CDHR2: variants seen among roughly 807,000 people sequenced by gnomAD.
CDHR2 encodes the protein cadherin related family member 2.
Under a neutral mutation model 138.6 loss-of-function variants are expected in CDHR2, and 104 were observed. The ratio of observed to expected loss-of-function variants is 0.75; its 90% CI spans 0.64 to 0.88. The LOEUF is 0.88. Among genes scored for constraint, CDHR2 ranks in the 40% least tolerant of loss-of-function variants. The probability of loss-of-function intolerance (pLI) is 0.00; values close to 1 mark genes in which losing one functional copy is unlikely to be tolerated. For synonymous variants in CDHR2, 755 were observed against 742.8 expected, an observed-to-expected ratio of 1.02 and a Z score of -0.27; for missense variants, 1,624 against 1,727.6, an observed-to-expected ratio of 0.94 and a Z score of 1.06.
In CDHR2 at chr5:176,543,919, G is replaced by T. The variant is rs1409515199; in HGVS notation, c.-16+1150G>T. On this transcript the variant is annotated intron_variant, in intron 1 of 31. Coordinates refer to the CDHR2 transcript ENST00000510636. This position sits in a 1 kb window ranked among gnomAD's most constrained non-coding sequence, Gnocchi z 4.0. ...TCCCCGCAACCCCTGTGTCCCCATCGCTAGAGCCAACCTGGACCAGGGCAT... is the reference window on the plus strand; with the variant it reads ...TCCCCGCAACCCCTGTGTCCCCATCTCTAGAGCCAACCTGGACCAGGGCAT... 1.3e-5 allele frequency among the ~76,000 whole-genome samples: 2 copies of T among 152,202 alleles called. No homozygotes were observed. Among genetic ancestry groups the T allele is most frequent in the Admixed American group, 6.5e-5 (1 of 15,288 alleles).
chr5:176,591,757 AT>A (rs1758857218), intron 30 of CDHR2: 6 of 145,996 alleles, frequency 4.1e-5, no homozygotes, highest in Admixed American at 1.0e-4. Context: ...GGTGGTGATG[AT>A]GGTGATGATG....
rs901163790 is a variant in CDHR2 at position 176,577,630 on chromosome 5, C to T, written c.1351-7C>T. The T allele has an allele frequency of 1.9e-6, 3 of 1,614,046 alleles. No individual in the cohort carries two copies. Among genetic ancestry groups the T allele is most frequent in the African/African-American group, 1.3e-5 (1 of 74,944 alleles). ...CCCACAGCTGCTGCCTCCTCCCCTG[C>T]CCCCAGGTTGTGGCCACAGACTCCG... On this transcript the variant is annotated splice_region_variant and splice_polypyrimidine_tract_variant and intron_variant, in intron 13 of 31. Transcript: ENST00000261944.
At position 176,565,338 on chromosome 5, in the gene CDHR2, G is replaced by A. The variant is rs551178657; in HGVS notation, c.-15G>A. On this transcript the variant is annotated splice_region_variant and 5_prime_UTR_variant, in exon 2 of 32. Coordinates refer to ENST00000261944, the MANE Select transcript of CDHR2 (RefSeq NM_017675.6). Reference sequence around the variant, plus strand: ...GCCATTCCCTGACCTCTTCCCTTAGGTCCCTGCGGATGTGATGGCCCAGCT... The same window carrying A: ...GCCATTCCCTGACCTCTTCCCTTAGATCCCTGCGGATGTGATGGCCCAGCT... The A allele has an allele frequency of 1.2e-6, 2 of 1,613,146 alleles. No individual in the cohort carries two copies. The highest frequency in any genetic ancestry group is 1.1e-5 in the South Asian group (1 of 91,064).
chr5:176,577,585 AAGCCGAGGGGCACTTG>A (rs750805431), intron 13 of CDHR2, 31 bp downstream of exon 13: 1 of 1,613,754 alleles, frequency 6.2e-7, no homozygotes, highest in East Asian at 2.2e-5. Flanking sequence ...CCAGGGGCAG[AAGCCGAGGGGCACTTG>A]GGCCCCACAG....
At position 176,594,882 on chromosome 5, in the gene CDHR2, G is replaced by C. The variant is rs117344762; in HGVS notation, c.3793-650G>C. ...ACGCACACAGCATGTCGCATGGCGA[G>C]GTGGAAGAGGAAGGGCGGGAGAGAT... On this transcript the variant is annotated intron_variant, in intron 31 of 31. Coordinates refer to ENST00000261944, the MANE Select transcript of CDHR2 (RefSeq NM_017675.6). Among the ~76,000 whole-genome samples the C allele has an allele frequency of 4.4e-4, 67 of 152,302 alleles. No individual in the cohort carries two copies. In the East Asian group the frequency reaches 0.011, roughly 25 times the overall value.
At position 176,590,263 on chromosome 5, in the gene CDHR2, C is replaced by T; in HGVS notation, c.3286C>T (p.His1096Tyr). The change falls in exon 26 of 32, where the codon CAC (histidine) becomes TAC (tyrosine). Residue 1096 changes from histidine to tyrosine, a missense_variant. Physicochemically the swap from His to Tyr is moderately conservative, Grantham distance 83 (BLOSUM62 2). Around this residue, in one of 3 missense-constraint regions of CDHR2, gnomAD observed 556 missense variants for 565.7 expected, o/e 0.98. Transcript: ENST00000261944. Reference protein sequence around the residue: ...DIDSAARARPHSYLDAYFVFP... With the variant: ...DIDSAARARPYSYLDAYFVFP... Reference sequence around the variant, plus strand: ...TCTGTCCCGCTCCAGGGCCCGACCTCACTCCTACCTCGATGCCTACTTTGT... The same window carrying T: ...TCTGTCCCGCTCCAGGGCCCGACCTTACTCCTACCTCGATGCCTACTTTGT... 6.2e-7 allele frequency: 1 copy of T among 1,614,164 alleles called. No individual in the cohort carries two copies. The highest frequency in any genetic ancestry group is 1.1e-5 in the South Asian group (1 of 91,086).
chr5:176,572,669 C>T (rs1395305652), intron 6 of CDHR2, among the ~76,000 whole-genome samples: 1 of 152,150 alleles, frequency 6.6e-6, no homozygotes, highest in African/African-American at 2.4e-5. Flanking sequence ...CCCTGATGGT[C>T]ACTGGGCAGC....
At chr5:176,566,606 G>A (rs528195982) in intron 3 of CDHR2, among the ~76,000 whole-genome samples, 149 of 148,266 alleles carry the variant, frequency 1.0e-3, no homozygotes, top group African/African-American at 3.4e-3. Flanking sequence ...TTGAGGGGGC[G>A]GGGGTCACGC....
At chr5:176,556,477 T>C (rs1035774929) in intron 1 of CDHR2, among the ~76,000 whole-genome samples, 3 of 152,282 alleles carry the variant, frequency 2.0e-5, no homozygotes, top group Middle Eastern at 3.4e-3. Flanking sequence ...CCATCCCGGC[T>C]AACATGGTGA....
intron 19 of CDHR2, 120 bp from the exon 20 acceptor site, chr5:176,585,834 C>T (rs916468630): frequency 1.9e-5 from 14 of 742,146 alleles, no homozygotes; most frequent in Admixed American, 1.1e-4. Context: ...GTTGAGGCTG[C>T]GGGGCACGGG....
At chr5:176,566,273 A>G (rs1011525279) in intron 3 of CDHR2, among the ~76,000 whole-genome samples, 3 of 152,206 alleles carry the variant, frequency 2.0e-5, no homozygotes, top group Non-Finnish European at 4.4e-5. Flanking sequence ...TGGAAAGTCA[A>G]TTTAAGGAAT....
chr5:176,552,731 C>A (rs1387126073), intron 1 of CDHR2, among the ~76,000 whole-genome samples: 9 of 152,226 alleles, frequency 5.9e-5, no homozygotes, highest in Non-Finnish European at 1.2e-4. Flanking sequence ...AACCCGGGGC[C>A]AACCCCAGCA....
chr5:176,577,919 G>C, intron 14 of CDHR2, 115 bp from the exon 15 acceptor site: 1 of 1,480,236 alleles, frequency 6.8e-7, no homozygotes, highest in Non-Finnish European at 9.2e-7. Context: ...ATCTGAGTGT[G>C]CTGGGGATTC....
At chr5:176,557,000 TTCTC>T (rs376971919) in intron 1 of CDHR2, among the ~76,000 whole-genome samples, 13,052 of 107,688 alleles carry the variant, frequency 0.12, 1,362 homozygotes, top group African/African-American at 0.23. Context: ...CCTTCCTTCT[TTCTC>T]TCTCTCTCTC....
chr5:176,553,802 A>T lies in CDHR2; in HGVS notation c.-16+4388A>T, dbSNP rs1280613297. On this transcript the variant is annotated intron_variant, in intron 1 of 31. Coordinates refer to ENST00000261944, the MANE Select transcript of CDHR2 (RefSeq NM_017675.6). This position sits in a 1 kb window ranked among gnomAD's most constrained non-coding sequence, Gnocchi z 4.3. ...CGTCTCCACCTTCATCAGCACACACATCATCAGCATGTCCGTCCCTACTTA... is the reference window on the plus strand; with the variant it reads ...CGTCTCCACCTTCATCAGCACACACTTCATCAGCATGTCCGTCCCTACTTA... Among the ~76,000 whole-genome samples the T allele has an allele frequency of 6.6e-6, 1 of 151,410 alleles. No individual in the cohort carries two copies. Among genetic ancestry groups the T allele is most frequent in the Non-Finnish European group, 1.5e-5 (1 of 67,860 alleles).
intron 1 of CDHR2, among the ~76,000 whole-genome samples, chr5:176,563,779 G>T (rs374364894): frequency 5.3e-5 from 8 of 152,322 alleles, no homozygotes; most frequent in African/African-American, 1.9e-4. Flanking sequence ...CACAAGTGGG[G>T]CCGTTTAGTC....
intron 1 of CDHR2, among the ~76,000 whole-genome samples, chr5:176,554,662 T>C (rs576159242): frequency 6.6e-6 from 1 of 152,280 alleles, no homozygotes; most frequent in South Asian, 2.1e-4. Context: ...TTTTTGTTTT[T>C]GTTTTGTTTT....
intron 17 of CDHR2, among the ~76,000 whole-genome samples, chr5:176,582,405 C>A (rs935423937): frequency 6.6e-6 from 1 of 152,170 alleles, no homozygotes; most frequent in East Asian, 1.9e-4. Flanking sequence ...TGGCCTCAAG[C>A]GACCCTCTCA....
chr5:176,580,504 G>A (rs1023959346), intron 16 of CDHR2, among the ~76,000 whole-genome samples: 2 of 147,034 alleles, frequency 1.4e-5, no homozygotes, highest in African/African-American at 5.1e-5. Flanking sequence ...ACTCCACTCT[G>A]GGCAACAGAG....
Sources: gnomAD v4.1 joint callset for allele counts (sites outside exome capture counted in the v4.1 genomes callset) on GRCh38, gnomAD v4.1.1 for gene constraint, gnomAD v4.1.1 regional missense constraint, Gnocchi (gnomAD v3.1) non-coding constraint, MANE v1.5 for transcripts, NCBI Gene and HGNC (gene_info 2026-07-23, HGNC 2026-07-21) for gene names.